GPATCH2: variants seen among roughly 807,000 people sequenced by gnomAD.
The protein encoded by GPATCH2 is G patch domain-containing protein 2.
A neutral mutation model predicts 58.0 loss-of-function variants in GPATCH2; 51 were observed. The observed-to-expected ratio is 0.88, with a 90% CI of 0.70 to 1.11. The LOEUF (loss-of-function observed/expected upper bound fraction) is 1.11, where lower values mean the gene tolerates loss of function less well. Ranked by LOEUF, GPATCH2 falls within the 50% of genes most tolerant of loss-of-function variation. The pLI is 0.00. For synonymous variants in GPATCH2, 222 were observed against 218.5 expected (o/e 1.02, Z -0.14); for missense variants, 625 against 652.2 (o/e 0.96, Z 0.45).
chr1:217,463,641 C>CAAAAAAAAAAA (rs201402598), intron 8 of GPATCH2, among the ~76,000 whole-genome samples: 16 of 82,472 alleles, frequency 1.9e-4, no homozygotes, highest in Non-Finnish European at 3.1e-4. Flanking sequence ...CTTATCACTC[C>CAAAAAAAAAAA]AAAAAAAAAA....
intron 9 of GPATCH2, among the ~76,000 whole-genome samples, chr1:217,448,012 C>T (rs376744395): frequency 1.3e-5 from 2 of 151,534 alleles, no homozygotes; most frequent in African/African-American, 2.4e-5. Context: ...GCAGGAGAAT[C>T]GCTTGAACCC....
At chr1:217,558,896 T>C (rs1438608485) in intron 5 of GPATCH2, among the ~76,000 whole-genome samples, 4 of 152,188 alleles carry the variant, frequency 2.6e-5, no homozygotes, top group Non-Finnish European at 4.4e-5. Context: ...TTTTTGCTTC[T>C]TCCAACTATA....
chr1:217,566,998 G>C (rs1261015884), intron 5 of GPATCH2, among the ~76,000 whole-genome samples: 3 of 151,164 alleles, frequency 2.0e-5, no homozygotes, highest in Non-Finnish European at 2.9e-5. Flanking sequence ...GTTTTTTTAT[G>C]GCTATGAGTG....
intron 5 of GPATCH2, among the ~76,000 whole-genome samples, chr1:217,571,807 C>G (rs1424281648): frequency 4.6e-5 from 7 of 150,720 alleles, no homozygotes; most frequent in Admixed American, 2.6e-4. Flanking sequence ...GCACGAGAAT[C>G]ACTTGAACCC....
intron 5 of GPATCH2, among the ~76,000 whole-genome samples, chr1:217,551,134 CAG>C (rs1665339372): frequency 6.9e-6 from 1 of 145,630 alleles, no homozygotes; most frequent in South Asian, 2.2e-4. Context: ...AAAAAAAAAA[CAG>C]AGAGAAACCT....
At chr1:217,510,966 C>T (rs1027064943) in intron 6 of GPATCH2, among the ~76,000 whole-genome samples, 21 of 152,076 alleles carry the variant, frequency 1.4e-4, no homozygotes, top group East Asian at 7.7e-4. Context: ...GGCGTGGTGG[C>T]GCACGCCTGT....
intron 1 of GPATCH2, among the ~76,000 whole-genome samples, chr1:217,625,030 G>A (rs1032451494): frequency 7.9e-5 from 12 of 152,078 alleles, no homozygotes; most frequent in Admixed American, 5.9e-4. Flanking sequence ...TTGTTTTTTC[G>A]GGTGGTATTG....
intron 8 of GPATCH2, among the ~76,000 whole-genome samples, chr1:217,463,198 A>C (rs1390152228): frequency 6.6e-6 from 1 of 152,342 alleles, no homozygotes; most frequent in Non-Finnish European, 1.5e-5. Flanking sequence ...GTAGCTAATA[A>C]GGTCTAAATG....
intron 5 of GPATCH2, among the ~76,000 whole-genome samples, chr1:217,558,488 AC>A (rs1454116549): frequency 2.0e-5 from 3 of 152,206 alleles, no homozygotes; most frequent in Non-Finnish European, 4.4e-5. Flanking sequence ...CATGCATCCA[AC>A]TGATTACGAA....
chr1:217,561,116 A>C (rs1421126569), intron 5 of GPATCH2, among the ~76,000 whole-genome samples: 1 of 152,098 alleles, frequency 6.6e-6, no homozygotes, highest in Non-Finnish European at 1.5e-5. Flanking sequence ...GAAAGAAAAG[A>C]CCTCTATACT....
intron 9 of GPATCH2, among the ~76,000 whole-genome samples, chr1:217,440,489 A>G (rs1222096529): frequency 1.3e-5 from 2 of 152,190 alleles, no homozygotes; most frequent in Non-Finnish European, 2.9e-5. Flanking sequence ...CCTATTCAAC[A>G]TAGTAGTGGA....
intron 5 of GPATCH2, among the ~76,000 whole-genome samples, chr1:217,526,599 C>G (rs921370070): frequency 2.6e-5 from 4 of 152,150 alleles, no homozygotes; most frequent in Admixed American, 2.6e-4. Context: ...CCCAAATAAC[C>G]TAAAACTTTT....
At chr1:217,538,288 A>T (rs1439602403) in intron 5 of GPATCH2, among the ~76,000 whole-genome samples, 1 of 152,184 alleles carries the variant, frequency 6.6e-6, no homozygotes, top group Non-Finnish European at 1.5e-5. Context: ...ACCTTTGTAC[A>T]CCTAAATGTC....
intron 5 of GPATCH2, among the ~76,000 whole-genome samples, chr1:217,547,266 G>C (rs988087714): frequency 6.6e-6 from 1 of 152,114 alleles, no homozygotes; most frequent in Non-Finnish European, 1.5e-5. Flanking sequence ...GGGAAGCTGA[G>C]GCAGGAGAAT....
At chr1:217,506,461 T>A (rs1042976542) in intron 6 of GPATCH2, among the ~76,000 whole-genome samples, 1 of 152,052 alleles carries the variant, frequency 6.6e-6, no homozygotes, top group African/African-American at 2.4e-5. Context: ...AAATAAAAAT[T>A]AGGGCAAGAT....
chr1:217,531,044 AACACACACACAC>A (rs56751109), intron 5 of GPATCH2, among the ~76,000 whole-genome samples: 2 of 148,194 alleles, frequency 1.3e-5, no homozygotes, highest in South Asian at 2.1e-4. Flanking sequence ...CAGTTACACA[AACACACACACAC>A]ACACACACAC....
At chr1:217,439,631 G>A (rs1413849242) in intron 9 of GPATCH2, among the ~76,000 whole-genome samples, 1 of 152,024 alleles carries the variant, frequency 6.6e-6, no homozygotes, top group Non-Finnish European at 1.5e-5. Context: ...GACTAATGAA[G>A]AAGAAAAGAG....
chr1:217,600,898 C>T (rs985688947), intron 5 of GPATCH2, among the ~76,000 whole-genome samples: 1 of 152,064 alleles, frequency 6.6e-6, no homozygotes, highest in African/African-American at 2.4e-5. Flanking sequence ...GAAAACCTTA[C>T]ATTTGCAAAT....
At chr1:217,477,962 CTA>C (rs1188416213) in intron 8 of GPATCH2, among the ~76,000 whole-genome samples, 4 of 152,128 alleles carry the variant, frequency 2.6e-5, no homozygotes, top group Non-Finnish European at 5.9e-5. Context: ...AAGAGAGAAA[CTA>C]TGTATGACTG....
Sources: allele counts gnomAD v4.1 joint callset (sites outside exome capture counted in the v4.1 genomes callset), GRCh38; gene constraint gnomAD v4.1.1; transcripts MANE v1.5; gene names NCBI Gene and HGNC (gene_info 2026-07-23, HGNC 2026-07-21).